NRG1: variants seen among roughly 807,000 people sequenced by gnomAD.
NRG1 encodes neuregulin 1, also known as pro-neuregulin-1, membrane-bound isoform.
Under a neutral mutation model 63.8 loss-of-function variants are expected in NRG1, and 18 were observed. The observed-to-expected ratio is 0.28, with a 90% CI of 0.19 to 0.42. The LOEUF is 0.42. Among genes scored for constraint, NRG1 ranks in the 10% least tolerant of loss-of-function variants. NRG1 has a pLI of 1.00. For synonymous variants in NRG1, 302 were observed against 301.3 expected, an observed-to-expected ratio of 1.00 and a Z score of -0.02; for missense variants, 762 against 814.7, an observed-to-expected ratio of 0.94 and a Z score of 0.79.
intron 1 of NRG1, among the ~76,000 whole-genome samples, chr8:32,427,863 G>A (rs1817596050): frequency 6.6e-6 from 1 of 152,122 alleles, no homozygotes; most frequent in Non-Finnish European, 1.5e-5. Context: ...ATATGAACAG[G>A]GGCGGTTTCA....
intron 1 of NRG1, among the ~76,000 whole-genome samples, chr8:31,938,710 T>A (rs1801308640): frequency 6.6e-6 from 1 of 151,858 alleles, no homozygotes; most frequent in Non-Finnish European, 1.5e-5. Context: ...AGAGCATAAA[T>A]AAAAAACAAT....
chr8:32,677,044 G>A (rs1807312463), intron 5 of NRG1, among the ~76,000 whole-genome samples: 2 of 152,076 alleles, frequency 1.3e-5, no homozygotes, highest in Non-Finnish European at 1.5e-5. Flanking sequence ...CATGTGCTAG[G>A]TTCTTAGAAA....
intron 1 of NRG1, among the ~76,000 whole-genome samples, chr8:32,160,534 C>A (rs1838708538): frequency 6.6e-6 from 1 of 152,158 alleles, no homozygotes; most frequent in Non-Finnish European, 1.5e-5. Context: ...GAGTCTATGA[C>A]CTTAACCATT....
At chr8:32,303,607 A>G (rs916968486) in intron 1 of NRG1, among the ~76,000 whole-genome samples, 1 of 152,226 alleles carries the variant, frequency 6.6e-6, no homozygotes, top group Non-Finnish European at 1.5e-5. Flanking sequence ...TTTTATTTCA[A>G]TGTCATCAGA....
intron 1 of NRG1, among the ~76,000 whole-genome samples, chr8:32,570,477 C>A (rs1838336793): frequency 6.6e-6 from 1 of 152,026 alleles, no homozygotes. Flanking sequence ...ATAAAAACTT[C>A]AGAAAAGAAA....
At chr8:32,736,708 AT>A (rs200393053) in intron 6 of NRG1, among the ~76,000 whole-genome samples, 19 of 151,640 alleles carry the variant, frequency 1.3e-4, no homozygotes, top group African/African-American at 3.6e-4. Flanking sequence ...TATCAGCTGT[AT>A]TTTTTTTTCT....
chr8:32,484,456 A>G (rs1283037446), intron 1 of NRG1, among the ~76,000 whole-genome samples: 1 of 152,246 alleles, frequency 6.6e-6, no homozygotes, highest in Admixed American at 6.5e-5. Flanking sequence ...TTCAGAAAAT[A>G]GAGAAGTTGA....
At chr8:32,644,459 G>T (rs1853062717) in intron 5 of NRG1, among the ~76,000 whole-genome samples, 1 of 152,120 alleles carries the variant, frequency 6.6e-6, no homozygotes, top group Non-Finnish European at 1.5e-5. Context: ...CAACTTCTGG[G>T]TCCTAGTCCC....
At chr8:31,955,544 A>T (rs1804222031) in intron 1 of NRG1, among the ~76,000 whole-genome samples, 1 of 152,150 alleles carries the variant, frequency 6.6e-6, no homozygotes, top group East Asian at 1.9e-4. Flanking sequence ...AACAAGGTAG[A>T]TCTGGTAAGA....
intron 1 of NRG1, among the ~76,000 whole-genome samples, chr8:32,498,793 TG>T (rs1214506365): frequency 1.3e-5 from 2 of 152,152 alleles, no homozygotes; most frequent in Non-Finnish European, 2.9e-5. Flanking sequence ...CCTGATGGTG[TG>T]GGGGAGAGGG....
chr8:32,227,214 AG>A (rs1846415189), intron 1 of NRG1, among the ~76,000 whole-genome samples: 1 of 152,202 alleles, frequency 6.6e-6, no homozygotes, highest in African/African-American at 2.4e-5. Flanking sequence ...GAACACTCTC[AG>A]GAGCTTTGTA....
intron 1 of NRG1, among the ~76,000 whole-genome samples, chr8:32,436,783 C>G (rs1818848078): frequency 6.6e-6 from 1 of 151,960 alleles, no homozygotes; most frequent in Non-Finnish European, 1.5e-5. Flanking sequence ...TTACTTAGAT[C>G]TTATAGTGCT....
At chr8:32,748,339 G>GCACA (rs879033032) in intron 7 of NRG1, among the ~76,000 whole-genome samples, 4,429 of 128,022 alleles carry the variant, frequency 0.035, 163 homozygotes, top group Non-Finnish European at 0.045. Context: ...GCGCGCGCGC[G>GCACA]CACACACACA....
intron 1 of NRG1, among the ~76,000 whole-genome samples, chr8:32,078,433 TTTTC>T (rs1437371232): frequency 1.3e-5 from 2 of 152,170 alleles, no homozygotes; most frequent in African/African-American, 4.8e-5. Flanking sequence ...AATCAACCAC[TTTTC>T]TTTATGAATT....
At chr8:31,830,329 C>T (rs13275241) in intron 1 of NRG1, among the ~76,000 whole-genome samples, 1 of 104,062 alleles carries the variant, frequency 9.6e-6, no homozygotes, top group Non-Finnish European at 1.9e-5. Context: ...TTCCTTCCTT[C>T]CTTCCTTCCT....
chr8:31,910,641 C>T (rs987373001), intron 1 of NRG1, among the ~76,000 whole-genome samples: 7 of 152,066 alleles, frequency 4.6e-5, no homozygotes, highest in Admixed American at 6.6e-5. Context: ...AAGGCTAGAG[C>T]TCAAAGGAGA....
intron 1 of NRG1, among the ~76,000 whole-genome samples, chr8:31,959,291 A>T (rs1390306685): frequency 6.6e-6 from 1 of 152,248 alleles, no homozygotes; most frequent in Non-Finnish European, 1.5e-5. Context: ...ATTAATGAAT[A>T]CAATTAATCT....
chr8:32,008,411 T>A (rs1814148667), intron 1 of NRG1, among the ~76,000 whole-genome samples: 1 of 152,064 alleles, frequency 6.6e-6, no homozygotes, highest in Non-Finnish European at 1.5e-5. Context: ...AAAGCACTTC[T>A]TCTTTGCCAC....
intron 1 of NRG1, among the ~76,000 whole-genome samples, chr8:31,666,167 ATT>A (rs1042320446): frequency 2.6e-5 from 4 of 152,206 alleles, no homozygotes; most frequent in African/African-American, 9.6e-5. Flanking sequence ...CATTGAGCAG[ATT>A]TCTGAGCGGC....
Sources: allele counts gnomAD v4.1 joint callset (sites outside exome capture counted in the v4.1 genomes callset), GRCh38; gene constraint gnomAD v4.1.1; transcripts MANE v1.5; gene names NCBI Gene and HGNC (gene_info 2026-07-23, HGNC 2026-07-21).